The following SMCO2 variants were observed in gnomAD, a reference collection of about 807,000 sequenced individuals.
SMCO2 encodes single-pass membrane protein with coiled-coil domains 2.
A neutral mutation model predicts 29.5 loss-of-function variants in SMCO2; 25 were observed. The observed-to-expected ratio is 0.85, with a 90% CI of 0.62 to 1.18. The LOEUF (loss-of-function observed/expected upper bound fraction) is 1.18. Among genes scored for constraint, SMCO2 ranks in the 50% most tolerant of loss-of-function variants. The pLI, the probability that SMCO2 is intolerant of heterozygous loss-of-function variation, is 0.00. For missense variants in SMCO2, 348 were observed against 344.5 expected, an observed-to-expected ratio of 1.01 and a Z score of -0.08; for synonymous variants, 117 against 123.3, an observed-to-expected ratio of 0.95 and a Z score of 0.34.
chr12:27,452,621 C>T, the SMCO2 span, among the ~76,000 whole-genome samples: 1 of 152,142 alleles, frequency 6.6e-6, no homozygotes, highest in Non-Finnish European at 1.5e-5. Context: ...TCCCAAGTAA[C>T]TGAGACTATA....
chr12:27,478,375 G>A (rs1006593945), intron 4 of SMCO2, among the ~76,000 whole-genome samples: 1 of 152,090 alleles, frequency 6.6e-6, no homozygotes, highest in Admixed American at 6.5e-5. Flanking sequence ...TAGTCTGGGT[G>A]GGCCAGATCT....
intron 5 of SMCO2, among the ~76,000 whole-genome samples, chr12:27,491,651 C>CACTT (rs1477155618): frequency 6.6e-6 from 1 of 151,654 alleles, no homozygotes; most frequent in Non-Finnish European, 1.5e-5. Context: ...GCGCAATGGC[C>CACTT]ACTTACATAG....
chr12:27,439,162 A>G, the SMCO2 span, among the ~76,000 whole-genome samples: 1 of 152,200 alleles, frequency 6.6e-6, no homozygotes, highest in African/African-American at 2.4e-5. Flanking sequence ...AGGCAGGGCT[A>G]CCATCTTCAG....
At chr12:27,487,123 C>A (rs184082916) in intron 4 of SMCO2, among the ~76,000 whole-genome samples, 1 of 152,288 alleles carries the variant, frequency 6.6e-6, no homozygotes, top group East Asian at 1.9e-4. Context: ...TGTATAGTTC[C>A]ATGCAATTTT....
chr12:27,472,931 G>A, intron 3 of SMCO2, 56 bp downstream of exon 3: 12 of 1,285,098 alleles, frequency 9.3e-6, no homozygotes, highest in Non-Finnish European at 1.3e-5. Flanking sequence ...AGGTTGAAGA[G>A]AAGAACTTCA....
intron 5 of SMCO2, among the ~76,000 whole-genome samples, chr12:27,492,334 A>G (rs1464049304): frequency 6.6e-6 from 1 of 152,190 alleles, no homozygotes; most frequent in Non-Finnish European, 1.5e-5. Context: ...CTTTATAATC[A>G]ATGTTTGCCG....
At chr12:27,467,155 G>A (rs966170915) in intron 1 of SMCO2, among the ~76,000 whole-genome samples, 5 of 152,106 alleles carry the variant, frequency 3.3e-5, no homozygotes, top group African/African-American at 9.7e-5. Flanking sequence ...CCCTCACAAT[G>A]TAAGTTAGTG....
At chr12:27,499,014 T>C (rs1367969033) in intron 7 of SMCO2, among the ~76,000 whole-genome samples, 2 of 150,802 alleles carry the variant, frequency 1.3e-5, no homozygotes, top group African/African-American at 4.9e-5. Context: ...GTACAACCAC[T>C]TTTGAAAACA....
At chr12:27,438,353 A>AC in the SMCO2 span, among the ~76,000 whole-genome samples, 1 of 152,112 alleles carries the variant, frequency 6.6e-6, no homozygotes, top group African/African-American at 2.4e-5. Flanking sequence ...TAACTCTCAA[A>AC]CCTATGATTC....
intron 4 of SMCO2, among the ~76,000 whole-genome samples, chr12:27,486,162 C>A (rs190309092): frequency 1.6e-3 from 242 of 152,326 alleles, no homozygotes; most frequent in Non-Finnish European, 2.1e-3. Context: ...TTTTATCACA[C>A]CTGTGTGCTA....
At chr12:27,455,838 G>C in the SMCO2 span, among the ~76,000 whole-genome samples, 13 of 152,334 alleles carry the variant, frequency 8.5e-5, no homozygotes, top group African/African-American at 2.6e-4. Context: ...GACTAACATG[G>C]AATGTTCCAT....
the SMCO2 span, among the ~76,000 whole-genome samples, chr12:27,449,930 C>T: frequency 6.6e-6 from 1 of 152,324 alleles, no homozygotes; most frequent in East Asian, 1.9e-4. Context: ...TTGAAAGACT[C>T]GAGCAGGCAG....
chr12:27,429,764 G>A, the SMCO2 span, among the ~76,000 whole-genome samples: 1 of 152,260 alleles, frequency 6.6e-6, no homozygotes, highest in Admixed American at 6.5e-5. Flanking sequence ...CTCTCCTGTT[G>A]TTTAGAATGA....
At chr12:27,435,432 T>C in the SMCO2 span, among the ~76,000 whole-genome samples, 2 of 151,354 alleles carry the variant, frequency 1.3e-5, no homozygotes, top group Non-Finnish European at 2.9e-5. Flanking sequence ...TTCCTTTCTT[T>C]CTGTCAAAAG....
chr12:27,457,855 T>G, the SMCO2 span, among the ~76,000 whole-genome samples: 715 of 152,364 alleles, frequency 4.7e-3, 6 homozygotes, highest in African/African-American at 0.016. Flanking sequence ...TTTTGTTATC[T>G]CATCTTAGGG....
intron 4 of SMCO2, among the ~76,000 whole-genome samples, chr12:27,487,931 G>A (rs955030256): frequency 2.1e-5 from 3 of 146,086 alleles, no homozygotes; most frequent in African/African-American, 5.4e-5. Flanking sequence ...TAATTGGATA[G>A]GTTTTTTTTT....
the SMCO2 span, among the ~76,000 whole-genome samples, chr12:27,448,491 C>T: frequency 4.6e-5 from 7 of 152,254 alleles, no homozygotes; most frequent in African/African-American, 1.7e-4. Flanking sequence ...ACCAAATAAA[C>T]AAACCTGAGA....
At chr12:27,444,886 C>T in the SMCO2 span, among the ~76,000 whole-genome samples, 6 of 152,122 alleles carry the variant, frequency 3.9e-5, no homozygotes, top group African/African-American at 1.4e-4. Context: ...TAGCTGCACG[C>T]CCGTGTTTAT....
the SMCO2 span, among the ~76,000 whole-genome samples, chr12:27,450,363 T>C: frequency 6.6e-6 from 1 of 152,154 alleles, no homozygotes; most frequent in African/African-American, 2.4e-5. Context: ...CTCGCCTGTT[T>C]CTTCTGATGC....
Sources: allele counts gnomAD v4.1 joint callset (sites outside exome capture counted in the v4.1 genomes callset), GRCh38; gene constraint gnomAD v4.1.1; transcripts MANE v1.5; gene names NCBI Gene and HGNC (gene_info 2026-07-23, HGNC 2026-07-21).